Variants in UBE4B observed in about 807,000 individuals in gnomAD.
The protein encoded by UBE4B is ubiquitination factor E4B.
A neutral mutation model predicts 148.1 loss-of-function variants in UBE4B; 27 were observed. The ratio of observed to expected loss-of-function variants is 0.18; its 90% CI spans 0.13 to 0.25. The LOEUF is 0.25. UBE4B is among the 10% of genes least tolerant of loss of function. The probability of loss-of-function intolerance (pLI) is 1.00; values close to 1 mark genes in which losing one functional copy is unlikely to be tolerated. For synonymous variants in UBE4B, 596 were observed against 619.3 expected (o/e 0.96, Z 0.56); for missense variants, 1,170 against 1,662.4 (o/e 0.70, Z 5.15).
intron 1 of UBE4B, among the ~76,000 whole-genome samples, chr1:10,069,996 C>T (rs1419920153): frequency 1.3e-5 from 2 of 152,008 alleles, no homozygotes; most frequent in African/African-American, 4.8e-5. Flanking sequence ...GAAACTTGGC[C>T]CGGCATGGTG....
intron 17 of UBE4B, among the ~76,000 whole-genome samples, chr1:10,143,846 T>C (rs1645822991): frequency 6.6e-6 from 1 of 152,234 alleles, no homozygotes; most frequent in Non-Finnish European, 1.5e-5. Context: ...CAGCACAGCC[T>C]CTGCCACAGC....
Position 10,087,872 on chromosome 1 carries a change from C to G in UBE4B, c.212-7589C>G, listed in dbSNP as rs573850370. On this transcript the variant is annotated intron_variant, in intron 2 of 27. Coordinates refer to ENST00000343090, the MANE Select transcript of UBE4B (RefSeq NM_001105562.3). ...TGGAGTGGGGAAGTACATATGTAAT[C>G]TGGAATTCTATGAGGAAAACTTGTC... is the stretch of plus-strand genomic sequence containing the variant. Among the ~76,000 whole-genome samples the G allele has an allele frequency of 2.6e-5, 4 of 152,324 alleles. No homozygotes were observed. The South Asian group carries it at 8.3e-4, about 32-fold the overall frequency.
chr1:10,101,217 T>G (rs1352740301), intron 4 of UBE4B, 22 bp downstream of exon 4: 7 of 1,608,812 alleles, frequency 4.4e-6, no homozygotes, highest in Non-Finnish European at 6.0e-6. Context: ...ATGAAGCCCT[T>G]GGTACAGGTA....
rs1184164545 is a variant in UBE4B at position 10,180,580 on chromosome 1, TAAA to T, written c.*628_*630del. On this transcript the variant is annotated 3_prime_UTR_variant, in exon 28 of 28. Transcript: ENST00000343090. Reference sequence around the variant, plus strand: ...AATTGGTGTTAGATGACATGATTAATAAAAAAGGCAAGATATTTTCAGAATTTG... The same window carrying T: ...AATTGGTGTTAGATGACATGATTAATAAAGGCAAGATATTTTCAGAATTTG... 6.6e-6 allele frequency: 1 copy of T among 152,568 alleles called. No homozygotes were observed. Among genetic ancestry groups the T allele is most frequent in the African/African-American group, 2.4e-5 (1 of 41,432 alleles). 9.5% of individuals were successfully genotyped at this position (152,568 alleles called of 1,614,324 possible).
chr1:10,049,892 C>CAA (rs776583824), intron 1 of UBE4B, among the ~76,000 whole-genome samples: 1,684 of 85,140 alleles, frequency 0.02, 36 homozygotes, highest in Admixed American at 0.064. Context: ...GACCCTGTCT[C>CAA]AAAAAAAAAA....
chr1:10,171,353 CTG>C, intron 25 of UBE4B, 24 bp downstream of exon 25: 1 of 1,604,540 alleles, frequency 6.2e-7, no homozygotes, highest in Non-Finnish European at 8.5e-7. Context: ...GTTGGTCTCT[CTG>C]TGAGTTTACT....
chr1:10,108,488 T>C (rs992307769), intron 7 of UBE4B, among the ~76,000 whole-genome samples: 4 of 152,184 alleles, frequency 2.6e-5, no homozygotes, highest in African/African-American at 9.6e-5. Flanking sequence ...GAGAATATAA[T>C]AGCACCTTCT....
rs904617799 is a variant in UBE4B at position 10,068,572 on chromosome 1, A to G, written c.25-3456A>G. Among the ~76,000 whole-genome samples, 7 of 151,776 alleles carry G rather than the reference A, an allele frequency of 4.6e-5. No individual in the cohort carries two copies. In the South Asian group the frequency reaches 6.2e-4, roughly 14 times the overall value. ...CCCCGTGTTAGTCGGGCTGGTCTCG[A>G]ACTCCTGACCTCGGGCCATCTGCCT... On this transcript the variant is annotated intron_variant, in intron 1 of 27. Transcript: ENST00000343090.
chr1:10,135,150 A>G lies in UBE4B; in HGVS notation c.2188A>G (p.Thr730Ala), dbSNP rs147799328. ...CAATGATGAGACGCGTGTGAATGCAACGATGGAAGATGTGAATGACTGGCT... is the reference window on the plus strand; with the variant it reads ...CAATGATGAGACGCGTGTGAATGCAGCGATGGAAGATGTGAATGACTGGCT... ...LPNDETRVNA[T>A]MEDVNDWLTE... The change falls in exon 16 of 28, where the codon ACG (threonine) becomes GCG (alanine). Residue 730 changes from threonine (T) to alanine (A), a missense_variant. Coordinates refer to ENST00000343090, the MANE Select transcript of UBE4B (RefSeq NM_001105562.3). 4.3e-6 allele frequency: 7 copies of G among 1,613,996 alleles called. No homozygotes were observed. The highest frequency in any genetic ancestry group is 5.9e-6 in the Non-Finnish European group (7 of 1,179,958).
Position 10,158,407 on chromosome 1 carries a change from G to A in UBE4B, c.2978G>A (p.Arg993His). The A allele has an allele frequency of 6.2e-7, 1 of 1,614,080 alleles. No individual in the cohort carries two copies. The part of the protein sequence containing the change: ...TSEFYDKFTI[R>H]YHISTIFKSL... ...GAGTTTTATGACAAGTTCACAATTCGCTATCATATTAGCACCATTTTTAAA... is the reference window on the plus strand; with the variant it reads ...GAGTTTTATGACAAGTTCACAATTCACTATCATATTAGCACCATTTTTAAA... The change falls in exon 22 of 28, where the codon CGC becomes CAC. Residue 993 changes from arginine to histidine, a missense_variant. Physicochemically the swap from Arg to His is conservative, Grantham distance 29. Transcript: ENST00000343090.
At chr1:10,143,507 G>T (rs1645817259) in intron 17 of UBE4B, among the ~76,000 whole-genome samples, 1 of 152,000 alleles carries the variant, frequency 6.6e-6, no homozygotes, top group Non-Finnish European at 1.5e-5. Flanking sequence ...CTCTTAGAAG[G>T]ACCTTTGTGA....
At chr1:10,043,073 A>C (rs11804193) in intron 1 of UBE4B, among the ~76,000 whole-genome samples, 30,924 of 151,022 alleles carry the variant, frequency 0.2, 4,962 homozygotes, top group African/African-American at 0.44. Flanking sequence ...GCAGTGGCTC[A>C]ATGTCAGCTC....
At chr1:10,154,167 C>T (rs897879223) in intron 21 of UBE4B, among the ~76,000 whole-genome samples, 3 of 152,114 alleles carry the variant, frequency 2.0e-5, no homozygotes, top group African/African-American at 7.2e-5. Context: ...CTCTTGAACC[C>T]GGGAGGCAGA....
At chr1:10,155,959 G>T (rs936370891) in intron 21 of UBE4B, among the ~76,000 whole-genome samples, 1 of 151,938 alleles carries the variant, frequency 6.6e-6, no homozygotes, top group Admixed American at 6.6e-5. Context: ...GGACCTGGGA[G>T]GTGGAGGTCG....
chr1:10,150,721 A>G (rs960960036), intron 20 of UBE4B, among the ~76,000 whole-genome samples: 14 of 151,582 alleles, frequency 9.2e-5, no homozygotes, highest in Non-Finnish European at 1.9e-4. Flanking sequence ...TTAGCTGGGC[A>G]TGGTGGCAGG....
chr1:10,118,665 C>T (rs539794827), intron 8 of UBE4B, among the ~76,000 whole-genome samples: 13 of 150,986 alleles, frequency 8.6e-5, no homozygotes, highest in African/African-American at 1.9e-4. Context: ...CCACCATGCC[C>T]GGCTAATTTT....
At chr1:10,130,639 C>T in intron 13 of UBE4B, 23 bp downstream of exon 13, 3 of 1,612,442 alleles carry the variant, frequency 1.9e-6, no homozygotes, top group East Asian at 2.2e-5. Context: ...GCTACTTGTA[C>T]TTTGCTGCCC....
intron 1 of UBE4B, among the ~76,000 whole-genome samples, chr1:10,044,031 G>GTTTCT (rs772915743): frequency 7.9e-5 from 12 of 151,892 alleles, no homozygotes; most frequent in South Asian, 4.2e-4. Flanking sequence ...ACAATTCCAC[G>GTTTCT]TTTCTTTTCT....
At chr1:10,085,368 G>A (rs565298285) in intron 2 of UBE4B, among the ~76,000 whole-genome samples, 40 of 152,282 alleles carry the variant, frequency 2.6e-4, no homozygotes, top group African/African-American at 9.1e-4. Flanking sequence ...GACTTCAGGC[G>A]GTTCTGTTTA....
Sources: gnomAD v4.1 joint callset for allele counts (sites outside exome capture counted in the v4.1 genomes callset) on GRCh38, gnomAD v4.1.1 for gene constraint, MANE v1.5 for transcripts, NCBI Gene and HGNC (gene_info 2026-07-23, HGNC 2026-07-21) for gene names.